Variants in CRTAP observed in about 807,000 individuals in gnomAD.
The protein encoded by CRTAP is cartilage associated protein.
A neutral mutation model predicts 42.7 loss-of-function variants in CRTAP; 33 were observed. That is an observed-to-expected ratio of 0.77 (90% confidence interval 0.59 to 1.03). CRTAP has a LOEUF of 1.03. Ranked by LOEUF, CRTAP falls within the 50% of genes least tolerant of loss-of-function variation. CRTAP has a pLI of 0.00. For missense variants in CRTAP, 613 were observed against 533.9 expected, an observed-to-expected ratio of 1.15 and a Z score of -1.46; for synonymous variants, 243 against 217.7, an observed-to-expected ratio of 1.12 and a Z score of -1.02.
chr3:33,114,502 T>A lies in CRTAP; in HGVS notation c.425T>A (p.Phe142Tyr). ...CCCAGCCGCGAGGTGCTGGCGGACT[T>A]CCAGCGCCGCGAGCCCTACAAGTTC... ...SQPSREVLAD[F>Y]QRREPYKFLQ... Residue 142 changes from phenylalanine (F) to tyrosine (Y), a missense_variant, in exon 1 of 7, where the codon TTC (phenylalanine) becomes TAC (tyrosine). By Grantham distance (22) the Phe-to-Tyr change is conservative. Coordinates refer to ENST00000320954, the MANE Select transcript of CRTAP (RefSeq NM_006371.5). 6.2e-7 allele frequency: 1 copy of A among 1,604,030 alleles called. No homozygotes were observed. Among genetic ancestry groups the A allele is most frequent in the South Asian group, 1.1e-5 (1 of 89,540 alleles).
In CRTAP at chr3:33,147,427, CA is replaced by C. The variant is rs1269859961; in HGVS notation, c.*4982del. 6.5e-6 allele frequency: 1 copy of C among 152,780 alleles called. No homozygotes were observed. The highest frequency in any genetic ancestry group is 1.9e-4 in the East Asian group (1 of 5,194). The allele number at this position is 152,780 out of a possible 1,614,324, so 9.5% of individuals were successfully genotyped here. A position where few individuals can be genotyped will look rare whatever the true frequency, so the allele number is the denominator to read the frequency against. Reference sequence around the variant, plus strand: ...CCTTGCACCTGACACTGTCCCCACACAAATAGCTGGCTTTCGTTGCTTGTTG... The same window carrying C: ...CCTTGCACCTGACACTGTCCCCACACAATAGCTGGCTTTCGTTGCTTGTTG... On this transcript the variant is annotated 3_prime_UTR_variant, in exon 7 of 7. Transcript: ENST00000320954.
At chr3:33,141,380 G>C (rs1219729650) in intron 6 of CRTAP, among the ~76,000 whole-genome samples, 1 of 152,188 alleles carries the variant, frequency 6.6e-6, no homozygotes, top group Non-Finnish European at 1.5e-5. Flanking sequence ...AAGCTGTAGT[G>C]TCTACAGTTT....
Position 33,120,482 on chromosome 3 carries a change from A to G in CRTAP, c.610A>G (p.Lys204Glu). The change falls in exon 2 of 7, where the codon AAG becomes GAG. Residue 204 changes from lysine (K) to glutamate (E), a missense_variant. Coordinates refer to ENST00000320954, the MANE Select transcript of CRTAP (RefSeq NM_006371.5). ...GGACTACATTAAAGACCTGGAAACC[A>G]AGTCATATGAAGTATGTTTGGATTT... Reference protein sequence around the residue: ...AEDYIKDLETKSYESLFIRAV... With the variant: ...AEDYIKDLETESYESLFIRAV... 1 of 1,610,002 alleles carries G rather than the reference A, an allele frequency of 6.2e-7. No individual in the cohort carries two copies. The highest frequency in any genetic ancestry group is 1.7e-5 in the Admixed American group (1 of 59,448).
rs1042611772 is a variant in CRTAP at position 33,142,396 on chromosome 3, G to A, written c.1154G>A (p.Gly385Glu). ...AAGTTGTCCTGTTGTCTCTTACAGGGAGAAGTTGTGGAATATGTGGATGAC... is the reference window on the plus strand; with the variant it reads ...AAGTTGTCCTGTTGTCTCTTACAGGAAGAAGTTGTGGAATATGTGGATGAC... ...AKENIMDDDE[G>E]EVVEYVDDLL... is the part of the protein sequence containing the mutation. The change falls in exon 7 of 7, where the codon GGA (glycine) becomes GAA (glutamate). Residue 385 changes from glycine (G) to glutamate (E), a missense_variant and splice_region_variant. Coordinates refer to ENST00000320954, the MANE Select transcript of CRTAP (RefSeq NM_006371.5). 2.5e-6 allele frequency: 4 copies of A among 1,613,782 alleles called. No homozygotes were observed. The African/African-American group carries it at 5.3e-5, about 22-fold the overall frequency.
chr3:33,142,036 G>C (rs2030587510), intron 6 of CRTAP, among the ~76,000 whole-genome samples: 1 of 152,218 alleles, frequency 6.6e-6, no homozygotes, highest in South Asian at 2.1e-4. Context: ...AAGGCAGAAA[G>C]GGAACAGATA....
Position 33,146,064 on chromosome 3 carries a change from AACCTACCATGAAACCCT to A in CRTAP, c.*3617_*3633del, listed in dbSNP as rs1409192607. 2.6e-5 allele frequency: 4 copies of A among 152,102 alleles called. No homozygotes were observed. The highest frequency in any genetic ancestry group is 5.9e-5 in the Non-Finnish European group (4 of 68,042). 9.4% of individuals were successfully genotyped at this position (152,102 alleles called of 1,614,324 possible). On this transcript the variant is annotated 3_prime_UTR_variant, in exon 7 of 7. Transcript: ENST00000320954. ...AACAAAAACTGGGCTGGGTCTTCCA[AACCTACCATGAAACCCT>A]GGTGTGCAGGCTGCACTCAATGACC...
At position 33,114,364 on chromosome 3, in the gene CRTAP, C is replaced by T; in HGVS notation, c.287C>T (p.Pro96Leu). Residue 96 changes from proline (P) to leucine (L), a missense_variant, in exon 1 of 7, where the codon CCC becomes CTC. Coordinates refer to ENST00000320954, the MANE Select transcript of CRTAP (RefSeq NM_006371.5). ...RNCSAAPQPE[P>L]AAGLASYPEL... ...TGCAGCGCCGCGCCGCAGCCCGAGC[C>T]CGCCGCCGGCCTCGCCAGCTATCCC... is the stretch of plus-strand genomic sequence containing the variant. 6.6e-7 allele frequency: 1 copy of T among 1,522,564 alleles called. No homozygotes were observed. Among genetic ancestry groups the T allele is most frequent in the Non-Finnish European group, 8.8e-7 (1 of 1,141,284 alleles). The allele number at this position is 1,522,564 out of a possible 1,614,324, so 94.3% of individuals were successfully genotyped here. A position where few individuals can be genotyped will look rare whatever the true frequency, so the allele number is the denominator to read the frequency against.
At chr3:33,129,592 C>A (rs1344658675) in intron 3 of CRTAP, among the ~76,000 whole-genome samples, 2 of 134,760 alleles carry the variant, frequency 1.5e-5, no homozygotes, top group Non-Finnish European at 3.1e-5. Context: ...GGCTGGAGTG[C>A]AGTGGCGCGA....
At chr3:33,115,451 A>G (rs1701331977) in intron 1 of CRTAP, 1 of 152,072 alleles carries the variant, frequency 6.6e-6, no homozygotes, top group African/African-American at 2.4e-5. Flanking sequence ...ATTGCTGGCT[A>G]AAAATAGCCA....
At chr3:33,137,379 G>T (rs753581273) in intron 6 of CRTAP, among the ~76,000 whole-genome samples, 4 of 152,090 alleles carry the variant, frequency 2.6e-5, no homozygotes, top group Admixed American at 6.6e-5. Flanking sequence ...GACCTCAGGC[G>T]ATCCACCCGC....
At chr3:33,133,773 G>A (rs1366307381) in intron 5 of CRTAP, among the ~76,000 whole-genome samples, 1 of 152,080 alleles carries the variant, frequency 6.6e-6, no homozygotes, top group Non-Finnish European at 1.5e-5. Context: ...TTTGCGGATG[G>A]ACCATCATTT....
chr3:33,138,788 C>T (rs184248757), intron 6 of CRTAP, among the ~76,000 whole-genome samples: 8 of 152,236 alleles, frequency 5.3e-5, no homozygotes, highest in Middle Eastern at 3.4e-3. Context: ...AGGAGGATCA[C>T]TTGAACCCAG....
intron 1 of CRTAP, among the ~76,000 whole-genome samples, chr3:33,117,823 T>C (rs1029527007): frequency 6.6e-6 from 1 of 152,226 alleles, no homozygotes; most frequent in Admixed American, 6.5e-5. Context: ...TGTGTCTCCA[T>C]GTTCCAGCTG....
At chr3:33,122,009 A>G (rs917649773) in intron 2 of CRTAP, among the ~76,000 whole-genome samples, 5 of 151,770 alleles carry the variant, frequency 3.3e-5, no homozygotes, top group African/African-American at 9.7e-5. Context: ...CTTTGTGACT[A>G]TTTCACTTCC....
chr3:33,131,464 C>T (rs962955209), intron 4 of CRTAP, among the ~76,000 whole-genome samples: 7 of 152,248 alleles, frequency 4.6e-5, no homozygotes, highest in African/African-American at 9.6e-5. Flanking sequence ...TGGATGCATG[C>T]GGGCTCTGGC....
At position 33,115,774 on chromosome 3, in the gene CRTAP, G is replaced by A. The variant is rs183754709; in HGVS notation, c.471+1226G>A. Among the ~76,000 whole-genome samples, 3 of 150,982 alleles carry A rather than the reference G, an allele frequency of 2.0e-5. No homozygotes were observed. The East Asian group carries it at 5.9e-4, about 29-fold the overall frequency. ...AGATCTGTTTTTTCAGATTTCCACC[G>A]AGACAGAGCCACGTGTATATTGTAT... On this transcript the variant is annotated intron_variant, in intron 1 of 6. Transcript: ENST00000320954.
chr3:33,126,589 A>G (rs2030080540), intron 3 of CRTAP, among the ~76,000 whole-genome samples: 1 of 152,228 alleles, frequency 6.6e-6, no homozygotes, highest in Admixed American at 6.5e-5. Flanking sequence ...GTTTCTCTCC[A>G]TCTATCTTTG....
chr3:33,124,671 C>T lies in CRTAP; in HGVS notation c.793+92C>T, dbSNP rs1037513716. The T allele has an allele frequency of 2.0e-5, 29 of 1,486,492 alleles. No homozygotes were observed. In the East Asian group the frequency reaches 4.5e-4, roughly 23 times the overall value. 92.1% of individuals were successfully genotyped at this position (1,486,492 alleles called of 1,614,324 possible). On this transcript the variant is annotated intron_variant, in intron 3 of 6. Coordinates refer to ENST00000320954, the MANE Select transcript of CRTAP (RefSeq NM_006371.5). ...CTGCATGCCTGCTAGATGCCTGGAGCAGCCTCTGAGGAATTTTTGAGCATA... is the reference window on the plus strand; with the variant it reads ...CTGCATGCCTGCTAGATGCCTGGAGTAGCCTCTGAGGAATTTTTGAGCATA...
intron 2 of CRTAP, among the ~76,000 whole-genome samples, chr3:33,120,820 C>T (rs1468189152): frequency 2.0e-5 from 3 of 152,054 alleles, no homozygotes; most frequent in Non-Finnish European, 4.4e-5. Flanking sequence ...GAAATAGAAA[C>T]ATAAATCTCC....
Sources: gnomAD v4.1 joint callset for allele counts (sites outside exome capture counted in the v4.1 genomes callset) on GRCh38, gnomAD v4.1.1 for gene constraint, MANE v1.5 for transcripts, NCBI Gene and HGNC (gene_info 2026-07-23, HGNC 2026-07-21) for gene names.